Variants in ZSWIM4 observed in about 807,000 individuals in gnomAD.
The protein encoded by ZSWIM4 is zinc finger SWIM-type containing 4.
Under a neutral mutation model 102.5 loss-of-function variants are expected in ZSWIM4, and 62 were observed. The ratio of observed to expected loss-of-function variants is 0.60; its 90% CI spans 0.49 to 0.75. The LOEUF is 0.75. Ranked by LOEUF, ZSWIM4 falls within the 30% of genes least tolerant of loss-of-function variation. ZSWIM4 has a pLI of 0.00. For synonymous variants in ZSWIM4, 652 were observed against 674.5 expected, an observed-to-expected ratio of 0.97 and a Z score of 0.52; for missense variants, 1,280 against 1,529.6, an observed-to-expected ratio of 0.84 and a Z score of 2.72.
intron 7 of ZSWIM4, among the ~76,000 whole-genome samples, chr19:13,816,773 T>C (rs951908925): frequency 2.0e-5 from 3 of 152,052 alleles, no homozygotes; most frequent in African/African-American, 7.2e-5. Context: ...GGCTGGAGGA[T>C]TGGCCTCCAG....
intron 6 of ZSWIM4, among the ~76,000 whole-genome samples, 189 bp from the exon 7 acceptor site, chr19:13,814,326 A>T (rs916775532): frequency 6.6e-6 from 1 of 152,048 alleles, no homozygotes; most frequent in South Asian, 2.1e-4. Context: ...TGGGATTACA[A>T]GTGTAAGCCA....
Position 13,811,804 on chromosome 19 carries a change from A to C in ZSWIM4, c.1013-1193A>C, listed in dbSNP as rs377569070. Among the ~76,000 whole-genome samples the C allele has an allele frequency of 3.5e-4, 54 of 152,270 alleles. 1 individual carries two copies. The South Asian group carries it at 5.0e-3, about 14-fold the overall frequency. ...AAAACTGGAAAAATAGGCCGGGTGCAGTGGCTCACACCTTAATTCCAGCAG... is the reference window on the plus strand; with the variant it reads ...AAAACTGGAAAAATAGGCCGGGTGCCGTGGCTCACACCTTAATTCCAGCAG... On this transcript the variant is annotated intron_variant, in intron 5 of 13. Transcript: ENST00000590508.
At chr19:13,819,204 A>G (rs1975391582) in intron 9 of ZSWIM4, among the ~76,000 whole-genome samples, 153 bp from the exon 10 acceptor site, 1 of 152,108 alleles carries the variant, frequency 6.6e-6, no homozygotes, top group African/African-American at 2.4e-5. Flanking sequence ...CCTCAGTCTC[A>G]GACCTGAACC....
chr19:13,821,723 ATTT>A (rs61364408), intron 10 of ZSWIM4, among the ~76,000 whole-genome samples: 1 of 147,436 alleles, frequency 6.8e-6, no homozygotes, highest in South Asian at 2.2e-4. Flanking sequence ...CTAGTTTTAA[ATTT>A]TTTTTTTTTT....
At chr19:13,804,209 G>A (rs945107748) in intron 2 of ZSWIM4, among the ~76,000 whole-genome samples, 15 of 151,664 alleles carry the variant, frequency 9.9e-5, no homozygotes, top group Admixed American at 7.9e-4. Flanking sequence ...CGTGGCCCAC[G>A]CCTGTAATCC....
chr19:13,804,160 G>A (rs533901100), intron 2 of ZSWIM4, among the ~76,000 whole-genome samples: 2 of 151,558 alleles, frequency 1.3e-5, no homozygotes, highest in Admixed American at 1.3e-4. Context: ...CACTGCGCCG[G>A]GCTGTCTCTT....
Position 13,825,587 on chromosome 19 carries a change from C to G in ZSWIM4, c.2253C>G (p.Ile751Met). 6.2e-7 allele frequency: 1 copy of G among 1,614,192 alleles called. No homozygotes were observed. The highest frequency in any genetic ancestry group is 8.5e-7 in the Non-Finnish European group (1 of 1,180,038). Residue 751 changes from isoleucine (I) to methionine (M), a missense_variant, in exon 12 of 14, where the codon ATC (isoleucine) becomes ATG (methionine). Coordinates refer to ENST00000590508, the MANE Select transcript of ZSWIM4 (RefSeq NM_001367834.3). This position sits in a 1 kb window ranked among gnomAD's most constrained non-coding sequence, Gnocchi z 4.6. ...PKWLHTVLGS[I>M]QQNIHSPALL... Reference sequence around the variant, plus strand: ...GGCTGCACACGGTACTGGGCTCCATCCAGCAGAACATCCACTCTCCGGCCC... The same window carrying G: ...GGCTGCACACGGTACTGGGCTCCATGCAGCAGAACATCCACTCTCCGGCCC...
intron 10 of ZSWIM4, 128 bp from the exon 11 acceptor site, chr19:13,823,218 C>T: frequency 1.2e-6 from 1 of 868,622 alleles, no homozygotes; most frequent in Non-Finnish European, 1.8e-6. Flanking sequence ...ACACATCTTC[C>T]ATCATCTTGG....
intron 3 of ZSWIM4, among the ~76,000 whole-genome samples, chr19:13,806,109 C>G (rs1245788573): frequency 1.3e-5 from 2 of 150,938 alleles, no homozygotes; most frequent in African/African-American, 4.9e-5. Flanking sequence ...GTGGTGCAAT[C>G]TCAGCTCACT....
chr19:13,800,980 A>G (rs1974754537), intron 2 of ZSWIM4, among the ~76,000 whole-genome samples: 1 of 152,002 alleles, frequency 6.6e-6, no homozygotes, highest in South Asian at 2.1e-4. Context: ...TGTCTTCACA[A>G]AAAAATCAAA....
chr19:13,822,275 T>C (rs1174559783), intron 10 of ZSWIM4, among the ~76,000 whole-genome samples: 1 of 152,092 alleles, frequency 6.6e-6, no homozygotes, highest in Non-Finnish European at 1.5e-5. Context: ...ACAACAGACT[T>C]TTCTATGCAA....
At chr19:13,807,014 G>T (rs962383799) in intron 3 of ZSWIM4, among the ~76,000 whole-genome samples, 3 of 151,996 alleles carry the variant, frequency 2.0e-5, no homozygotes, top group Non-Finnish European at 4.4e-5. Flanking sequence ...AGCATAGAGA[G>T]TTAGGATTAG....
intron 2 of ZSWIM4, 121 bp from the exon 3 acceptor site, chr19:13,804,671 G>T (rs943918473): frequency 1.3e-6 from 1 of 761,032 alleles, no homozygotes; most frequent in East Asian, 2.5e-5. Context: ...TGCAAAGTGA[G>T]TGAGGTGACT....
In ZSWIM4 at chr19:13,820,730, A is replaced by T. The variant is rs1975439523; in HGVS notation, c.2060+1238A>T. On this transcript the variant is annotated intron_variant, in intron 10 of 13. Coordinates refer to ENST00000590508, the MANE Select transcript of ZSWIM4 (RefSeq NM_001367834.3). ...CCCATAATCTGGAAATTGAACGTTGATCCTCCTTTTATACCAGTGGTACAT... is the reference window on the plus strand; with the variant it reads ...CCCATAATCTGGAAATTGAACGTTGTTCCTCCTTTTATACCAGTGGTACAT... Among the ~76,000 whole-genome samples the T allele has an allele frequency of 2.0e-5, 3 of 152,108 alleles. No homozygotes were observed. In the South Asian group the frequency reaches 6.2e-4, roughly 32 times the overall value.
In ZSWIM4 at chr19:13,830,583, G is replaced by A. The variant is rs1310268748; in HGVS notation, c.2854G>A (p.Ala952Thr). 1.6e-5 allele frequency: 26 copies of A among 1,599,692 alleles called. No individual in the cohort carries two copies. The highest frequency in any genetic ancestry group is 2.2e-5 in the Non-Finnish European group (26 of 1,179,754). ...GCTGGCCCTGGCGCAGCTCAGCATCGCCTTCAACCAGGACAGCCACCCTGC... is the reference window on the plus strand; with the variant it reads ...GCTGGCCCTGGCGCAGCTCAGCATCACCTTCAACCAGGACAGCCACCCTGC... The part of the protein sequence containing the change: ...ATLALAQLSI[A>T]FNQDSHPAVN... Residue 952 changes from alanine (A) to threonine (T), a missense_variant, in exon 14 of 14, where the codon GCC (alanine) becomes ACC (threonine). Ala to Thr is a moderately conservative substitution (Grantham distance 58). Coordinates refer to ENST00000590508, the MANE Select transcript of ZSWIM4 (RefSeq NM_001367834.3).
intron 1 of ZSWIM4, 22 bp downstream of exon 1, chr19:13,795,823 G>A: frequency 5.7e-6 from 7 of 1,230,442 alleles, no homozygotes; most frequent in Non-Finnish European, 7.1e-6. Context: ...GGAAGGGGGC[G>A]GGGGCAGGGA....
At chr19:13,822,808 C>T (rs188597180) in intron 10 of ZSWIM4, among the ~76,000 whole-genome samples, 6 of 152,146 alleles carry the variant, frequency 3.9e-5, no homozygotes, top group Admixed American at 6.6e-5. Flanking sequence ...GGAGAAAACC[C>T]GTCTCTACTA....
At position 13,830,209 on chromosome 19, in the gene ZSWIM4, A is replaced by T; in HGVS notation, c.2480A>T (p.Asn827Ile). ...ATEIGPQALMNIMQNWYSLFT... is the reference protein window; with the variant it reads ...ATEIGPQALMIIMQNWYSLFT... ...CCACCAGGCCCGCAAGCCCTGATGA[A>T]TATCATGCAGAACTGGTATTCCTTA... Residue 827 changes from asparagine to isoleucine, a missense_variant, in exon 14 of 14, where the codon AAT becomes ATT. By Grantham distance (149) the Asn-to-Ile change is moderately radical. Coordinates refer to ENST00000590508, the MANE Select transcript of ZSWIM4 (RefSeq NM_001367834.3). 1 of 1,612,538 alleles carries T rather than the reference A, an allele frequency of 6.2e-7. No homozygotes were observed. The highest frequency in any genetic ancestry group is 8.5e-7 in the Non-Finnish European group (1 of 1,179,246).
intron 3 of ZSWIM4, among the ~76,000 whole-genome samples, chr19:13,805,433 G>A (rs1006535387): frequency 2.6e-5 from 4 of 152,062 alleles, no homozygotes; most frequent in African/African-American, 9.7e-5. Context: ...TGGCCCCAGG[G>A]CTGGGTATGT....
Sources: allele counts gnomAD v4.1 joint callset (sites outside exome capture counted in the v4.1 genomes callset), GRCh38; gene constraint gnomAD v4.1.1; non-coding constraint Gnocchi (gnomAD v3.1); transcripts MANE v1.5; gene names NCBI Gene and HGNC (gene_info 2026-07-23, HGNC 2026-07-21).